TDRD5: variants seen among roughly 807,000 people sequenced by gnomAD.
The protein encoded by TDRD5 is tudor domain containing 5.
A neutral mutation model predicts 120.6 loss-of-function variants in TDRD5; 41 were observed. The ratio of observed to expected loss-of-function variants is 0.34; its 90% CI spans 0.26 to 0.44. The LOEUF (loss-of-function observed/expected upper bound fraction) is 0.44, where lower values mean the gene tolerates loss of function less well. TDRD5 is among the 20% of genes least tolerant of loss of function. The probability of loss-of-function intolerance (pLI) is 1.00; values close to 1 mark genes in which losing one functional copy is unlikely to be tolerated. For missense variants in TDRD5, 1,006 were observed against 1,221.2 expected (o/e 0.82, Z 2.63); for synonymous variants, 430 against 433.7 (o/e 0.99, Z 0.11).
intron 17 of TDRD5, among the ~76,000 whole-genome samples, chr1:179,682,275 G>T (rs1368199208): frequency 6.6e-6 from 1 of 151,594 alleles, no homozygotes; most frequent in African/African-American, 2.4e-5. Context: ...CTTAAGTTCT[G>T]GGATACATGA....
At chr1:179,632,120 A>G (rs1432198854) in intron 7 of TDRD5, among the ~76,000 whole-genome samples, 1 of 151,620 alleles carries the variant, frequency 6.6e-6, no homozygotes, top group Non-Finnish European at 1.5e-5. Context: ...GTTACCCAGG[A>G]TGGTCTCAAT....
At chr1:179,628,953 A>G (rs996439398) in intron 6 of TDRD5, among the ~76,000 whole-genome samples, 7 of 145,872 alleles carry the variant, frequency 4.8e-5, no homozygotes, top group Non-Finnish European at 9.4e-5. Flanking sequence ...GTTTTTGCCA[A>G]TTTAACTGAA....
rs915756144 is a variant in TDRD5 at position 179,610,806 on chromosome 1, T to C, written c.832-7793T>C. On this transcript the variant is annotated intron_variant, in intron 4 of 17. Transcript: ENST00000444136. ...TCCCCTGGTTAGTCTCCTTTCAGAC[T>C]TTTTTTCTATTTTTTTCCTGAAAGT... Among the ~76,000 whole-genome samples, 3 of 152,114 alleles carry C rather than the reference T, an allele frequency of 2.0e-5. No homozygotes were observed. In the East Asian group the frequency reaches 5.8e-4, roughly 29 times the overall value.
intron 15 of TDRD5, 104 bp from the exon 16 acceptor site, chr1:179,663,244 T>C (rs981422268): frequency 7.5e-7 from 1 of 1,331,884 alleles, no homozygotes; most frequent in South Asian, 1.5e-5. Context: ...ATACCTTTTT[T>C]AAAAATATGT....
intron 3 of TDRD5, 51 bp downstream of exon 3, chr1:179,593,918 T>C: frequency 1.3e-6 from 2 of 1,572,050 alleles, no homozygotes; most frequent in South Asian, 2.4e-5. Flanking sequence ...GAGGGGTGTG[T>C]AATCACTAAG....
intron 16 of TDRD5, among the ~76,000 whole-genome samples, chr1:179,666,715 T>C (rs1679572087): frequency 6.6e-6 from 1 of 152,192 alleles, no homozygotes; most frequent in Non-Finnish European, 1.5e-5. Flanking sequence ...TTTGAGGAAC[T>C]ACCAGGATAT....
At chr1:179,664,420 T>C (rs577329849) in intron 16 of TDRD5, among the ~76,000 whole-genome samples, 4 of 152,250 alleles carry the variant, frequency 2.6e-5, no homozygotes, top group African/African-American at 9.6e-5. Flanking sequence ...TAGAATATTT[T>C]CATCACGCTC....
chr1:179,612,410 A>C (rs954972365), intron 4 of TDRD5, among the ~76,000 whole-genome samples: 1 of 152,070 alleles, frequency 6.6e-6, no homozygotes, highest in Non-Finnish European at 1.5e-5. Context: ...TTTAGAGGAG[A>C]AATGAACATT....
At chr1:179,616,302 G>A (rs1046318452) in intron 4 of TDRD5, among the ~76,000 whole-genome samples, 11 of 152,112 alleles carry the variant, frequency 7.2e-5, no homozygotes, top group African/African-American at 2.7e-4. Flanking sequence ...AGGTCCTTGA[G>A]GCTGTTTCTC....
chr1:179,610,492 A>G (rs1028914916), intron 4 of TDRD5, among the ~76,000 whole-genome samples: 10 of 152,118 alleles, frequency 6.6e-5, no homozygotes, highest in Admixed American at 1.3e-4. Context: ...TGTTAAATTG[A>G]CCTCCAGAAA....
Position 179,636,174 on chromosome 1 carries a change from G to T in TDRD5, c.1520+287G>T, listed in dbSNP as rs565346831. ...ATATCTGGCTTAATAGAAGAAAGTT[G>T]ATTTTTCATATTTGCTTCTGCATTT... On this transcript the variant is annotated intron_variant, in intron 9 of 17. Transcript: ENST00000444136. 3.3e-5 allele frequency among the ~76,000 whole-genome samples: 5 copies of T among 152,204 alleles called. No individual in the cohort carries two copies. In the East Asian group the frequency reaches 7.7e-4, roughly 24 times the overall value.
intron 4 of TDRD5, among the ~76,000 whole-genome samples, chr1:179,601,275 T>G (rs1675696918): frequency 6.6e-6 from 1 of 152,214 alleles, no homozygotes; most frequent in Non-Finnish European, 1.5e-5. Context: ...GTTTGTTTTA[T>G]TATTTTCCAC....
Position 179,618,539 on chromosome 1 carries a change from A to G in TDRD5, c.832-60A>G, listed in dbSNP as rs1676675914. 11 of 1,297,936 alleles carry G rather than the reference A, an allele frequency of 8.5e-6. No homozygotes were observed. The South Asian group carries it at 1.3e-4, about 15-fold the overall frequency. The allele number at this position is 1,297,936 out of a possible 1,614,324, so 80.4% of individuals were successfully genotyped here. On this transcript the variant is annotated intron_variant, in intron 4 of 17. Coordinates refer to ENST00000444136, the MANE Select transcript of TDRD5 (RefSeq NM_001199085.3). ...TTTTCTTTACATATTGCTTAGATCT[A>G]CCTTTGACTTTCTTTGGTCAGGGGG... is the stretch of plus-strand genomic sequence containing the variant.
chr1:179,683,359 T>G (rs964186613), intron 17 of TDRD5, among the ~76,000 whole-genome samples: 3 of 152,200 alleles, frequency 2.0e-5, no homozygotes, highest in African/African-American at 7.2e-5. Context: ...ATTTTGCTAC[T>G]CTTAAATCTT....
chr1:179,648,113 CT>C (rs903069544), intron 11 of TDRD5, among the ~76,000 whole-genome samples: 9 of 149,688 alleles, frequency 6.0e-5, no homozygotes, highest in African/African-American at 2.2e-4. Flanking sequence ...ACCCAAAGGA[CT>C]ATAAATCATG....
chr1:179,604,677 A>G lies in TDRD5; in HGVS notation c.831+8859A>G, dbSNP rs1675881320. On this transcript the variant is annotated intron_variant, in intron 4 of 17. Coordinates refer to ENST00000444136, the MANE Select transcript of TDRD5 (RefSeq NM_001199085.3). Reference sequence around the variant, plus strand: ...AGCAGGTAATTTTCCATGTATTTGCATGGTTTTTAAGGTTCCTTTTGGAGT... The same window carrying G: ...AGCAGGTAATTTTCCATGTATTTGCGTGGTTTTTAAGGTTCCTTTTGGAGT... Among the ~76,000 whole-genome samples, 3 of 152,082 alleles carry G rather than the reference A, an allele frequency of 2.0e-5. 1 individual carries two copies. Among genetic ancestry groups the G allele is most frequent in the Admixed American group, 2.0e-4 (3 of 15,250 alleles).
intron 11 of TDRD5, among the ~76,000 whole-genome samples, chr1:179,649,571 A>G (rs1163036081): frequency 1.3e-5 from 2 of 151,968 alleles, no homozygotes; most frequent in South Asian, 2.1e-4. Context: ...ACCTTCTAAA[A>G]CTTCTTAGTT....
chr1:179,681,519 T>G (rs1419410183), intron 17 of TDRD5, among the ~76,000 whole-genome samples: 1 of 152,190 alleles, frequency 6.6e-6, no homozygotes, highest in Non-Finnish European at 1.5e-5. Flanking sequence ...TTTAGTCACA[T>G]ATTTTCCATT....
intron 15 of TDRD5, 96 bp from the exon 16 acceptor site, chr1:179,663,252 T>C: frequency 7.4e-7 from 1 of 1,355,064 alleles, no homozygotes; most frequent in South Asian, 1.5e-5. Flanking sequence ...TTTAAAAATA[T>C]GTATTGCTTT....
Sources: allele counts gnomAD v4.1 joint callset (sites outside exome capture counted in the v4.1 genomes callset), GRCh38; gene constraint gnomAD v4.1.1; transcripts MANE v1.5; gene names NCBI Gene and HGNC (gene_info 2026-07-23, HGNC 2026-07-21).